PDE4D: variants seen among roughly 807,000 people sequenced by gnomAD.
The protein encoded by PDE4D is phosphodiesterase 4D, also known as 3',5'-cyclic-AMP phosphodiesterase 4D.
A neutral mutation model predicts 87.4 loss-of-function variants in PDE4D; 24 were observed. The observed-to-expected ratio is 0.27, with a 90% confidence interval of 0.20 to 0.39. PDE4D has a LOEUF of 0.39. Ranked by LOEUF, PDE4D falls within the 10% of genes least tolerant of loss-of-function variation. PDE4D has a pLI of 1.00. For synonymous variants in PDE4D, 384 were observed against 383.2 expected, an observed-to-expected ratio of 1.00 and a Z score of -0.02; for missense variants, 714 against 1,041.0, an observed-to-expected ratio of 0.69 and a Z score of 4.32.
chr5:59,203,564 T>C (rs1748030464), intron 2 of PDE4D, among the ~76,000 whole-genome samples: 1 of 151,916 alleles, frequency 6.6e-6, no homozygotes, highest in African/African-American at 2.4e-5. Flanking sequence ...TTAATCACAA[T>C]AGCCAAAATA....
intron 3 of PDE4D, among the ~76,000 whole-genome samples, chr5:59,926,081 A>G (rs567288049): frequency 6.6e-6 from 1 of 152,292 alleles, no homozygotes; most frequent in Admixed American, 6.5e-5. Flanking sequence ...TCCTCAGCAC[A>G]TGAATCAGTC....
chr5:59,623,264 A>C (rs1040145495), intron 1 of PDE4D, among the ~76,000 whole-genome samples: 2 of 152,172 alleles, frequency 1.3e-5, no homozygotes, highest in Non-Finnish European at 2.9e-5. Flanking sequence ...AGTGCTGTTC[A>C]ATCGAATTTT....
rs1189915621 is a variant in PDE4D at position 59,171,969 on chromosome 5, T to C, written c.808+8626A>G. 2.1e-3 allele frequency among the ~76,000 whole-genome samples: 218 copies of C among 103,582 alleles called. 8 individuals are homozygous for C. The highest frequency in any genetic ancestry group is 3.0e-3 in the Non-Finnish European group (171 of 57,556). 68.0% of individuals were successfully genotyped at this position (103,582 alleles called of 152,430 possible). A position where few individuals can be genotyped will look rare whatever the true frequency, so the allele number is the denominator to read the frequency against. ...ATATGAGAATTATATTTATATATTA[T>C]ATATTTATATAATAAATATATATTA... On this transcript the variant is annotated intron_variant, in intron 5 of 14. Coordinates refer to ENST00000340635, the MANE Select transcript of PDE4D (RefSeq NM_001104631.2).
chr5:59,392,933 G>T (rs1376410162), intron 1 of PDE4D, among the ~76,000 whole-genome samples: 2 of 152,180 alleles, frequency 1.3e-5, no homozygotes, highest in East Asian at 1.9e-4. Flanking sequence ...TGGCATGAAT[G>T]GATGAGGACC....
At chr5:59,469,890 A>G (rs1802184914) in intron 1 of PDE4D, among the ~76,000 whole-genome samples, 1 of 152,116 alleles carries the variant, frequency 6.6e-6, no homozygotes, top group African/African-American at 2.4e-5. Flanking sequence ...TTGCACCACA[A>G]TCATCTGGGT....
At chr5:59,878,945 C>T (rs1416262422) in intron 1 of PDE4D, among the ~76,000 whole-genome samples, 2 of 120,898 alleles carry the variant, frequency 1.7e-5, no homozygotes, top group East Asian at 5.4e-4. Flanking sequence ...GTCGCCCAGG[C>T]TGGAATGCAG....
intron 1 of PDE4D, among the ~76,000 whole-genome samples, chr5:60,415,251 C>T (rs1349344899): frequency 6.6e-6 from 1 of 152,264 alleles, no homozygotes; most frequent in Non-Finnish European, 1.5e-5. Context: ...AGACCTGGTT[C>T]CTAAAACCTC....
chr5:60,355,172 A>G (rs1253246960), intron 1 of PDE4D, among the ~76,000 whole-genome samples: 1 of 152,230 alleles, frequency 6.6e-6, no homozygotes, highest in African/African-American at 2.4e-5. Flanking sequence ...AATCCTGTAA[A>G]AAGTAAAAAC....
At chr5:59,825,496 AC>A (rs895161088) in intron 1 of PDE4D, among the ~76,000 whole-genome samples, 1 of 152,098 alleles carries the variant, frequency 6.6e-6, no homozygotes, top group Non-Finnish European at 1.5e-5. Flanking sequence ...CTAGTTGGAA[AC>A]TGAGGACAGA....
chr5:60,030,643 G>A (rs1767145174), intron 2 of PDE4D, among the ~76,000 whole-genome samples: 1 of 152,022 alleles, frequency 6.6e-6, no homozygotes, highest in Non-Finnish European at 1.5e-5. Flanking sequence ...AAATAAACTC[G>A]CTCCCTATTA....
chr5:60,345,446 T>TAATAAATA (rs35806424), intron 1 of PDE4D, among the ~76,000 whole-genome samples: 5,215 of 148,418 alleles, frequency 0.035, 213 homozygotes, highest in African/African-American at 0.099. Flanking sequence ...TAAAGTATAA[T>TAATAAATA]AATAAATAAA....
chr5:60,005,262 A>G (rs1231456546), intron 2 of PDE4D, among the ~76,000 whole-genome samples: 1 of 152,188 alleles, frequency 6.6e-6, no homozygotes, highest in African/African-American at 2.4e-5. Flanking sequence ...TTGAACTCAT[A>G]GGAACAGAGA....
At chr5:59,763,973 C>T (rs942563546) in intron 1 of PDE4D, among the ~76,000 whole-genome samples, 2 of 152,110 alleles carry the variant, frequency 1.3e-5, no homozygotes, top group Non-Finnish European at 2.9e-5. Flanking sequence ...CGGATTACTT[C>T]CAGTTGGGAG....
intron 1 of PDE4D, among the ~76,000 whole-genome samples, chr5:59,668,873 GA>G (rs1746643406): frequency 2.6e-5 from 2 of 76,922 alleles, no homozygotes; most frequent in Non-Finnish European, 4.9e-5. Context: ...AGAAGAAGAA[GA>G]AGAAGAAGAA....
intron 1 of PDE4D, among the ~76,000 whole-genome samples, chr5:59,313,668 A>G (rs996560396): frequency 1.3e-5 from 2 of 152,182 alleles, no homozygotes; most frequent in Non-Finnish European, 2.9e-5. Flanking sequence ...TAAGGTACAA[A>G]GTATCCAAAT....
At chr5:59,896,500 C>A (rs1192746266), upstream of PDE4D, among the ~76,000 whole-genome samples, 1 of 152,168 alleles carries the variant, frequency 6.6e-6, no homozygotes, top group East Asian at 1.9e-4. Flanking sequence ...AGGCTTTATA[C>A]TTTTACCAAA....
chr5:59,446,760 T>C (rs1316178445), intron 1 of PDE4D, among the ~76,000 whole-genome samples: 1 of 152,212 alleles, frequency 6.6e-6, no homozygotes, highest in Non-Finnish European at 1.5e-5. Context: ...CATTAATGGG[T>C]AAGTTCTGCT....
intron 2 of PDE4D, among the ~76,000 whole-genome samples, chr5:60,175,101 G>A (rs555987529): frequency 1.6e-4 from 25 of 151,948 alleles, no homozygotes; most frequent in Non-Finnish European, 2.9e-4. Flanking sequence ...TGGATGCTCT[G>A]TTATGTTCTT....
intron 2 of PDE4D, among the ~76,000 whole-genome samples, chr5:59,994,309 A>C (rs1763311674): frequency 6.6e-6 from 1 of 151,610 alleles, no homozygotes; most frequent in African/African-American, 2.4e-5. Context: ...GTGTGTGTAT[A>C]TATACATATA....
Sources: allele counts gnomAD v4.1 joint callset (sites outside exome capture counted in the v4.1 genomes callset), GRCh38; gene constraint gnomAD v4.1.1; transcripts MANE v1.5; gene names NCBI Gene and HGNC (gene_info 2026-07-23, HGNC 2026-07-21).